GABRQ: variants seen among roughly 807,000 people sequenced by gnomAD.
GABRQ encodes gamma-aminobutyric acid receptor subunit theta.
A neutral mutation model predicts 30.5 loss-of-function variants in GABRQ; 19 were observed. That is an observed-to-expected ratio of 0.62 (90% CI 0.43 to 0.91). GABRQ has a LOEUF of 0.91. Ranked by LOEUF, GABRQ falls within the 40% of genes least tolerant of loss-of-function variation. GABRQ has a pLI of 0.00. For synonymous variants in GABRQ, 187 were observed against 210.2 expected, an observed-to-expected ratio of 0.89 and a Z score of 0.95; for missense variants, 520 against 521.4, an observed-to-expected ratio of 1.00 and a Z score of 0.03.
At position 152,653,318 on chromosome X, in the gene GABRQ, G is replaced by A; in HGVS notation, c.*37G>A. On this transcript the variant is annotated 3_prime_UTR_variant, in exon 9 of 9. Transcript: ENST00000598523. ...TCCAGAACAGCGGGAGCACTGTGCT[G>A]TGCTCCTTTCAGTTTCTTTTGGGTT... 2 of 1,038,069 alleles carry A rather than the reference G, an allele frequency of 1.9e-6. No homozygotes were observed. The highest frequency in any genetic ancestry group is 2.2e-5 in the South Asian group (1 of 45,418). 85.5% of individuals were successfully genotyped at this position (1,038,069 alleles called of 1,213,427 possible). A position where few individuals can be genotyped will look rare whatever the true frequency, so the allele number is the denominator to read the frequency against.
intron 6 of GABRQ, 46 bp downstream of exon 6, chrX:152,649,925 A>G: frequency 9.6e-7 from 1 of 1,043,373 alleles, no homozygotes; most frequent in Non-Finnish European, 1.3e-6. Context: ...TCTGCCTTGC[A>G]CCTCCATAAA....
At chrX:152,639,787 T>TA (rs1347002034) in intron 1 of GABRQ, among the ~76,000 whole-genome samples, 1 of 112,027 alleles carries the variant, frequency 8.9e-6, no homozygotes, top group African/African-American at 3.3e-5. Flanking sequence ...TTATGCCATA[T>TA]GCCAAGTCTG....
At chrX:152,641,424 G>A (rs1556818391) in intron 2 of GABRQ, among the ~76,000 whole-genome samples, 1 of 113,207 alleles carries the variant, frequency 8.8e-6, no homozygotes, top group Non-Finnish European at 1.9e-5. Context: ...ATGAATAGAG[G>A]TCTTCCAAAT....
At chrX:152,648,871 TC>T (rs1213114290) in intron 4 of GABRQ, among the ~76,000 whole-genome samples, 1 of 112,417 alleles carries the variant, frequency 8.9e-6, no homozygotes, top group Non-Finnish European at 1.9e-5. Context: ...GGATGGAGGC[TC>T]CCAGCTGTAC....
chrX:152,650,484 C>T lies in GABRQ; in HGVS notation c.805C>T (p.Leu269Phe), dbSNP rs782544765. 2.0e-5 allele frequency: 24 copies of T among 1,200,058 alleles called. No individual in the cohort carries two copies. Among genetic ancestry groups the T allele is most frequent in the Admixed American group, 4.4e-5 (2 of 45,758 alleles). Residue 269 changes from leucine (L) to phenylalanine (F), a missense_variant, in exon 7 of 9, where the codon CTT becomes TTT. By Grantham distance (22) the Leu-to-Phe change is conservative. Coordinates refer to ENST00000598523, the MANE Select transcript of GABRQ (RefSeq NM_018558.4). Reference sequence around the variant, plus strand: ...GGTTCAGAGGGAAGTTAACAGCTACCTTGTGCAAGTCTACTGGCCTACTGT... The same window carrying T: ...GGTTCAGAGGGAAGTTAACAGCTACTTTGTGCAAGTCTACTGGCCTACTGT... ...FQVQREVNSY[L>F]VQVYWPTVLT...
Position 152,654,993 on chromosome X carries a change from G to A in GABRQ, c.*1712G>A, listed in dbSNP as rs1183134327. 1 of 112,763 alleles carries A rather than the reference G, an allele frequency of 8.9e-6. No homozygotes were observed. The highest frequency in any genetic ancestry group is 3.2e-5 in the African/African-American group (1 of 31,003). 9.3% of individuals were successfully genotyped at this position (112,763 alleles called of 1,213,427 possible). On this transcript the variant is annotated 3_prime_UTR_variant, in exon 9 of 9. Coordinates refer to ENST00000598523, the MANE Select transcript of GABRQ (RefSeq NM_018558.4). ...GTGTACAGAATTGTATCTACAGCAT[G>A]TGGATGCATGCGTGTGTGTGCACAT... is the stretch of plus-strand genomic sequence containing the variant.
chrX:152,658,258 T>C (rs1454404253), downstream of GABRQ, among the ~76,000 whole-genome samples: 1 of 111,598 alleles, frequency 9.0e-6, no homozygotes, highest in African/African-American at 3.3e-5. Flanking sequence ...GCCAGCCCAT[T>C]CTGACCCCAG....
At chrX:152,644,302 A>C (rs1267147472) in intron 2 of GABRQ, among the ~76,000 whole-genome samples, 1 of 112,296 alleles carries the variant, frequency 8.9e-6, no homozygotes, top group Non-Finnish European at 1.9e-5. Flanking sequence ...ACTTTCACTT[A>C]TGCATGGGCG....
At chrX:152,646,399 A>G (rs782139656) in intron 3 of GABRQ, among the ~76,000 whole-genome samples, 43 of 112,547 alleles carry the variant, frequency 3.8e-4, no homozygotes, top group African/African-American at 1.4e-3. Flanking sequence ...TGGTTTTGGT[A>G]TGCATGTTCA....
chrX:152,640,419 A>G lies in GABRQ; in HGVS notation c.191A>G (p.Asp64Gly). ...GAAGCTGTGGTTCAAAAGATTTTGG[A>G]CAGGGTGCTGTCAAGATACGATGTC... is the stretch of plus-strand genomic sequence containing the variant. ...ANEAVVQKIL[D>G]RVLSRYDVRL... Residue 64 changes from aspartate to glycine, a missense_variant, in exon 2 of 9, where the codon GAC (aspartate) becomes GGC (glycine). Asp to Gly is a moderately conservative substitution (Grantham distance 94, BLOSUM62 -1). Coordinates refer to ENST00000598523, the MANE Select transcript of GABRQ (RefSeq NM_018558.4). The G allele has an allele frequency of 8.3e-7, 1 of 1,204,177 alleles. No individual in the cohort carries two copies. Among genetic ancestry groups the G allele is most frequent in the Non-Finnish European group, 1.1e-6 (1 of 888,433 alleles).
intron 2 of GABRQ, among the ~76,000 whole-genome samples, chrX:152,645,164 CACAA>C (rs782569271): frequency 8.9e-6 from 1 of 112,627 alleles, no homozygotes; most frequent in South Asian, 3.7e-4. Flanking sequence ...CACTCACACA[CACAA>C]ACATGTGCAC....
At chrX:152,641,754 T>G (rs1256639280) in intron 2 of GABRQ, among the ~76,000 whole-genome samples, 2 of 112,716 alleles carry the variant, frequency 1.8e-5, no homozygotes, top group African/African-American at 3.2e-5. Flanking sequence ...TCTGGCCATA[T>G]GGGAATCCAG....
In GABRQ at chrX:152,653,311, C is replaced by T. The variant is rs782738210; in HGVS notation, c.*30C>T. The T allele has an allele frequency of 8.6e-6, 9 of 1,043,797 alleles. No homozygotes were observed. The African/African-American group carries it at 1.7e-4, about 20-fold the overall frequency. 86.0% of individuals were successfully genotyped at this position (1,043,797 alleles called of 1,213,427 possible). ...CCAGTGCTCCAGAACAGCGGGAGCACTGTGCTGTGCTCCTTTCAGTTTCTT... is the reference window on the plus strand; with the variant it reads ...CCAGTGCTCCAGAACAGCGGGAGCATTGTGCTGTGCTCCTTTCAGTTTCTT... On this transcript the variant is annotated 3_prime_UTR_variant, in exon 9 of 9. Coordinates refer to ENST00000598523, the MANE Select transcript of GABRQ (RefSeq NM_018558.4).
At position 152,648,365 on chromosome X, in the gene GABRQ, A is replaced by AT. The variant is rs111231111; in HGVS notation, c.528-873dup. 8.2e-3 allele frequency among the ~76,000 whole-genome samples: 780 copies of AT among 94,643 alleles called. 10 individuals carry two copies. Among genetic ancestry groups the AT allele is most frequent in the African/African-American group, 0.019 (520 of 26,916 alleles). The allele number at this position is 94,643 out of a possible 115,157, so 82.2% of individuals were successfully genotyped here. ...GATTCTTCTTCTTTTTTTTATTTTTATTTTTTTTTTTTTGAGATGGAGTCT... is the reference window on the plus strand; with the variant it reads ...GATTCTTCTTCTTTTTTTTATTTTTATTTTTTTTTTTTTTGAGATGGAGTCT... On this transcript the variant is annotated intron_variant, in intron 4 of 8. Coordinates refer to ENST00000598523, the MANE Select transcript of GABRQ (RefSeq NM_018558.4).
chrX:152,641,979 C>A, intron 2 of GABRQ, among the ~76,000 whole-genome samples: 1 of 111,887 alleles, frequency 8.9e-6, no homozygotes, highest in Non-Finnish European at 1.9e-5. Context: ...TCTCTGCAGG[C>A]ATCCAGGACC....
intron 5 of GABRQ, 79 bp from the exon 6 acceptor site, chrX:152,649,663 A>T: frequency 1.2e-6 from 1 of 806,418 alleles, no homozygotes. Flanking sequence ...GTTAGTGGGT[A>T]GGAGCTTGTA....
Position 152,638,062 on chromosome X carries a change from T to C in GABRQ, c.-141T>C, listed in dbSNP as rs1039740510. 3.9e-6 allele frequency: 2 copies of C among 514,465 alleles called. No homozygotes were observed. Among genetic ancestry groups the C allele is most frequent in the East Asian group, 7.7e-5 (2 of 26,139 alleles). 42.4% of individuals were successfully genotyped at this position (514,465 alleles called of 1,213,427 possible). A position where few individuals can be genotyped will look rare whatever the true frequency, so the allele number is the denominator to read the frequency against. On this transcript the variant is annotated 5_prime_UTR_variant, in exon 1 of 9. Transcript: ENST00000598523. The stretch of plus-strand genomic sequence containing the variant: ...CCTACTTCCCTTGCCCTCGCTGCTC[T>C]CTCCTTAGAGGCGACTCTTTGGGGA...
At chrX:152,647,584 G>A (rs143686542) in intron 4 of GABRQ, among the ~76,000 whole-genome samples, 10 of 112,024 alleles carry the variant, frequency 8.9e-5, no homozygotes, top group Non-Finnish European at 1.7e-4. Flanking sequence ...TGCAGTGAGG[G>A]AGGGAGAAGA....
At chrX:152,658,898 T>C (rs1372632475), downstream of GABRQ, among the ~76,000 whole-genome samples, 2 of 111,770 alleles carry the variant, frequency 1.8e-5, no homozygotes, top group Non-Finnish European at 3.8e-5. Context: ...GTAAATCCTT[T>C]CGTGAAGAAA....
Sources: allele counts gnomAD v4.1 joint callset (sites outside exome capture counted in the v4.1 genomes callset), GRCh38; gene constraint gnomAD v4.1.1; transcripts MANE v1.5; gene names NCBI Gene and HGNC (gene_info 2026-07-23, HGNC 2026-07-21).